Variants in ESCO2 observed in about 807,000 individuals in gnomAD.
The protein encoded by ESCO2 is N-acetyltransferase ESCO2.
Under a neutral mutation model 61.7 loss-of-function variants are expected in ESCO2, and 51 were observed. The ratio of observed to expected loss-of-function variants is 0.83; its 90% confidence interval spans 0.66 to 1.04. ESCO2 has a LOEUF of 1.04. Ranked by LOEUF, ESCO2 falls within the 50% of genes least tolerant of loss-of-function variation. ESCO2 has a pLI of 0.00. For synonymous variants in ESCO2, 230 were observed against 238.2 expected (o/e 0.97, Z 0.32); for missense variants, 692 against 686.2 (o/e 1.01, Z -0.09).
rs761833073 is a variant in ESCO2, at chr8:27,804,175, G to C, written c.*737G>C. 4 of 985,338 alleles carry C rather than the reference G, an allele frequency of 4.1e-6. No individual in the cohort carries two copies. The highest frequency in any genetic ancestry group is 4.8e-6 in the Non-Finnish European group (4 of 829,872). 61.0% of individuals were successfully genotyped at this position (985,338 alleles called of 1,614,324 possible). ...ATCCCATATGCATTTCTGTAGAGCA[G>C]AATTTGATAGCTTAGTGTTCAATCT... On this transcript the variant is annotated 3_prime_UTR_variant, in exon 11 of 11. Coordinates refer to ENST00000305188, the MANE Select transcript of ESCO2 (RefSeq NM_001017420.3).
At chr8:27,802,681 G>T (rs1805475815) in intron 10 of ESCO2, among the ~76,000 whole-genome samples, 1 of 111,796 alleles carries the variant, frequency 8.9e-6, no homozygotes, top group Non-Finnish European at 1.8e-5. Context: ...TATAGTTACT[G>T]CTTAAGATTG....
rs554467526 is a variant in ESCO2 at position 27,799,747 on chromosome 8, C to T, written c.1673+31C>T. 12 of 1,611,300 alleles carry T rather than the reference C, an allele frequency of 7.4e-6. No homozygotes were observed. The African/African-American group carries it at 1.6e-4, about 22-fold the overall frequency. ...AAATAAAATGGATCTAGATCCAGAA[C>T]CTTAGATTCATAGCTTTCCCAGAAC... On this transcript the variant is annotated intron_variant, in intron 10 of 10. Transcript: ENST00000305188.
intron 4 of ESCO2, among the ~76,000 whole-genome samples, chr8:27,781,699 T>TA (rs1469707532): frequency 3.3e-5 from 5 of 152,058 alleles, no homozygotes; most frequent in African/African-American, 9.7e-5. Context: ...TAGCTGGGAT[T>TA]ACAGGCATCC....
chr8:27,802,747 T>A (rs1805477660), intron 10 of ESCO2, among the ~76,000 whole-genome samples: 1 of 146,442 alleles, frequency 6.8e-6, no homozygotes. Flanking sequence ...ATCTTTTTTT[T>A]ATTTTTATTT....
At chr8:27,817,593 C>T (rs1460354029), downstream of ESCO2, among the ~76,000 whole-genome samples, 3 of 150,542 alleles carry the variant, frequency 2.0e-5, no homozygotes, top group Non-Finnish European at 3.0e-5. Context: ...GAAACTTTTG[C>T]GCAATGAAGT....
chr8:27,799,852 T>C, intron 10 of ESCO2, 136 bp downstream of exon 10: 1 of 1,053,928 alleles, frequency 9.5e-7, no homozygotes, highest in Non-Finnish European at 1.4e-6. Context: ...CTAAGGAAGG[T>C]ATTGGTACTA....
Position 27,775,509 on chromosome 8 carries a change from A to G in ESCO2, c.-6A>G, listed in dbSNP as rs751895817. The stretch of plus-strand genomic sequence containing the variant: ...TGTCATTTCTTTTAGGAATTCAATA[A>G]AGAAAATGGCAGCTCTTACTCCAAG... On this transcript the variant is annotated 5_prime_UTR_variant, in exon 2 of 11. Transcript: ENST00000305188. The G allele has an allele frequency of 6.2e-7, 1 of 1,613,968 alleles. No individual in the cohort carries two copies.
downstream of ESCO2, chr8:27,811,149 A>G: frequency 6.2e-7 from 1 of 1,613,234 alleles, no homozygotes; most frequent in Middle Eastern, 1.7e-4. Flanking sequence ...AACAAGCAAG[A>G]TGGTTATGAA....
In ESCO2 at chr8:27,804,467, AG is replaced by A. The variant is rs1805519643; in HGVS notation, c.*1030del. On this transcript the variant is annotated 3_prime_UTR_variant, in exon 11 of 11. Coordinates refer to ENST00000305188, the MANE Select transcript of ESCO2 (RefSeq NM_001017420.3). The stretch of plus-strand genomic sequence containing the variant: ...AATGTATGGTAATAGAACCAAGGTT[AG>A]TAAATATACATAGGCTGGTGGATGA... 1.0e-6 allele frequency: 1 copy of A among 985,350 alleles called. No homozygotes were observed. 61.0% of individuals were successfully genotyped at this position (985,350 alleles called of 1,614,324 possible).
chr8:27,792,445 AT>A (rs2128955934), intron 8 of ESCO2, among the ~76,000 whole-genome samples: 1 of 152,242 alleles, frequency 6.6e-6, no homozygotes, highest in East Asian at 1.9e-4. Context: ...AGGTGTCTCA[AT>A]TTCTGCTGAA....
In ESCO2 at chr8:27,776,363, C is replaced by A; in HGVS notation, c.55C>A (p.Leu19Ile). ...RKQDSLKCDS[L>I]LHFTENLFPS... ...AATGGACTTTGTTTCTTTTTATAGC[C>A]TTTTACACTTCACTGAAAATCTGTT... Residue 19 changes from leucine to isoleucine, a missense_variant and splice_region_variant, in exon 3 of 11, where the codon CTT becomes ATT. Physicochemically the swap from Leu to Ile is conservative, Grantham distance 5. Transcript: ENST00000305188. 6.2e-7 allele frequency: 1 copy of A among 1,602,044 alleles called. No individual in the cohort carries two copies. Among genetic ancestry groups the A allele is most frequent in the Non-Finnish European group, 8.5e-7 (1 of 1,173,316 alleles).
At chr8:27,793,674 A>G (rs1466616817) in intron 9 of ESCO2, among the ~76,000 whole-genome samples, 1 of 151,716 alleles carries the variant, frequency 6.6e-6, no homozygotes, top group Non-Finnish European at 1.5e-5. Flanking sequence ...TTTAGTAGAG[A>G]CGGGGTTTCA....
At chr8:27,773,989 GAAGT>G (rs1455693396), upstream of ESCO2, among the ~76,000 whole-genome samples, 1 of 152,200 alleles carries the variant, frequency 6.6e-6, no homozygotes, top group South Asian at 2.1e-4. Flanking sequence ...ATTGTGGTAA[GAAGT>G]AAATGAAACA....
At chr8:27,772,603 G>C (rs984425948), upstream of ESCO2, 14 of 1,506,472 alleles carry the variant, frequency 9.3e-6, no homozygotes, top group Admixed American at 2.0e-5. Flanking sequence ...CGAAGCTCAG[G>C]ATACCAGACT....
intron 7 of ESCO2, 53 bp from the exon 8 acceptor site, chr8:27,791,910 T>TC: frequency 7.1e-7 from 1 of 1,417,168 alleles, no homozygotes; most frequent in Non-Finnish European, 9.6e-7. Flanking sequence ...TTAATGTTGG[T>TC]TTTTTTTCCT....
At chr8:27,807,214 T>G (rs1261323515), downstream of ESCO2, among the ~76,000 whole-genome samples, 2 of 152,144 alleles carry the variant, frequency 1.3e-5, no homozygotes, top group Admixed American at 6.5e-5. Flanking sequence ...GTTTTCAACA[T>G]TTTACTATTA....
downstream of ESCO2, chr8:27,810,866 C>G (rs1805663826): frequency 3.7e-6 from 3 of 812,824 alleles, no homozygotes; most frequent in Non-Finnish European, 3.9e-6. Context: ...AATCAGTCAT[C>G]AGTACTAATA....
At chr8:27,782,713 T>G (rs928159567) in intron 4 of ESCO2, among the ~76,000 whole-genome samples, 1 of 149,612 alleles carries the variant, frequency 6.7e-6, no homozygotes, top group African/African-American at 2.4e-5. Context: ...TTAAATAATA[T>G]ATATATATTA....
In ESCO2 at chr8:27,803,306, G is replaced by A. The variant is rs1365507621; in HGVS notation, c.1674G>A (p.Arg558=). 4.3e-6 allele frequency: 7 copies of A among 1,613,432 alleles called. No homozygotes were observed. In the Admixed American group the frequency reaches 1.2e-4, roughly 27 times the overall value. The change falls in exon 11 of 11, where the codon AGG becomes AGA. Residue 558 remains arginine, a splice_region_variant and synonymous_variant. Coordinates refer to ENST00000305188, the MANE Select transcript of ESCO2 (RefSeq NM_001017420.3). The part of the protein sequence containing the change: ...RIARRLVDTL[R]NCFMFGCFLS... ...TAAATCATCTTTTCTTCTCTTTTAG[G>A]AATTGCTTCATGTTTGGCTGTTTTC...
Sources: gnomAD v4.1 joint callset for allele counts (sites outside exome capture counted in the v4.1 genomes callset) on GRCh38, gnomAD v4.1.1 for gene constraint, MANE v1.5 for transcripts, NCBI Gene and HGNC (gene_info 2026-07-23, HGNC 2026-07-21) for gene names.